The following ANO2 variants were observed in gnomAD, a reference collection of about 807,000 sequenced individuals.
ANO2 encodes the protein anoctamin 2, also known as anoctamin-2.
ANO2 carries 101 observed loss-of-function variants against 124.2 expected under a neutral mutation model. The observed-to-expected ratio is 0.81, with a 90% confidence interval of 0.69 to 0.96. The LOEUF (loss-of-function observed/expected upper bound fraction) is 0.96, where lower values mean the gene tolerates loss of function less well. Among genes scored for constraint, ANO2 ranks in the 40% least tolerant of loss-of-function variants. The probability of loss-of-function intolerance (pLI) is 0.00; values close to 1 mark genes in which losing one functional copy is unlikely to be tolerated. For synonymous variants in ANO2, 486 were observed against 482.5 expected (o/e 1.01, Z -0.09); for missense variants, 1,293 against 1,274.5 (o/e 1.01, Z -0.22).
rs779168841 is a variant in ANO2, at chr12:5,921,230, G to A, written c.344C>T (p.Ala115Val). The A allele has an allele frequency of 5.0e-6, 8 of 1,613,956 alleles. No homozygotes were observed. The highest frequency in any genetic ancestry group is 6.8e-6 in the Non-Finnish European group (8 of 1,179,860). The change falls in exon 3 of 25, where the codon GCC becomes GTC. Residue 115 changes from alanine to valine, a missense_variant. By Grantham distance (64) the Ala-to-Val change is moderately conservative (BLOSUM62 0). Coordinates refer to ENST00000682330, the MANE Select transcript of ANO2 (RefSeq NM_001364791.2). ...CAGCGAGTGGCCAGGGAAGCCTTGG[G>A]CCAGGTGCACCCCGCGTTTCCGGTA... is the stretch of plus-strand genomic sequence containing the variant. ...YHYRKRGVHL[A>V]QGFPGHSLAI...
chr12:5,603,915 G>C (rs1243729861), intron 19 of ANO2, among the ~76,000 whole-genome samples: 1 of 125,300 alleles, frequency 8.0e-6, no homozygotes, highest in African/African-American at 3.0e-5. Context: ...ACTGCAGTCC[G>C]TCCTGGGTGA....
At chr12:5,885,375 C>T (rs1353396500) in intron 3 of ANO2, among the ~76,000 whole-genome samples, 1 of 152,222 alleles carries the variant, frequency 6.6e-6, no homozygotes, top group African/African-American at 2.4e-5. Context: ...GAGGTTCATG[C>T]TTACTGTCCA....
chr12:5,628,685 T>C (rs55819042), intron 16 of ANO2, among the ~76,000 whole-genome samples: 45,616 of 148,298 alleles, frequency 0.31, 7,658 homozygotes, highest in East Asian at 0.48. Flanking sequence ...TGTGTGTGTG[T>C]GTGCGCGCGC....
At chr12:5,663,039 G>T (rs928788929) in intron 14 of ANO2, among the ~76,000 whole-genome samples, 1 of 152,202 alleles carries the variant, frequency 6.6e-6, no homozygotes, top group African/African-American at 2.4e-5. Flanking sequence ...AACCAGTTCT[G>T]AAATGAGTAA....
At chr12:5,627,333 C>A (rs2136926456) in intron 16 of ANO2, among the ~76,000 whole-genome samples, 1 of 152,290 alleles carries the variant, frequency 6.6e-6, no homozygotes, top group East Asian at 1.9e-4. Context: ...CCCCAGAGAG[C>A]CAGGATCCTG....
intron 10 of ANO2, among the ~76,000 whole-genome samples, chr12:5,789,329 T>C (rs1255765941): frequency 2.0e-5 from 3 of 152,244 alleles, no homozygotes; most frequent in African/African-American, 7.2e-5. Context: ...TTAGAGTTGA[T>C]GACAGCTGGA....
At chr12:5,823,549 G>C (rs1349669300) in intron 7 of ANO2, among the ~76,000 whole-genome samples, 1 of 152,196 alleles carries the variant, frequency 6.6e-6, no homozygotes, top group Non-Finnish European at 1.5e-5. Flanking sequence ...ATGGTCTTGG[G>C]CAGCTGCACC....
At chr12:5,638,153 TAAC>T (rs1001797062) in intron 15 of ANO2, among the ~76,000 whole-genome samples, 2 of 152,002 alleles carry the variant, frequency 1.3e-5, no homozygotes, top group African/African-American at 4.8e-5. Flanking sequence ...TTAATGGTGA[TAAC>T]ATCATCAATA....
chr12:5,678,502 C>A lies in ANO2; in HGVS notation c.1546-30701G>T, dbSNP rs1948351536. Among the ~76,000 whole-genome samples the A allele has an allele frequency of 5.3e-5, 8 of 152,248 alleles. No individual in the cohort carries two copies. The South Asian group carries it at 1.7e-3, about 32-fold the overall frequency. ...GGAAAGATGGACACATTTGGGGCCA[C>A]AGTTTTTATGTAAAAAGATATATAA... On this transcript the variant is annotated intron_variant, in intron 14 of 24. Coordinates refer to ENST00000682330, the MANE Select transcript of ANO2 (RefSeq NM_001364791.2).
intron 7 of ANO2, among the ~76,000 whole-genome samples, chr12:5,809,765 T>C (rs1194043589): frequency 6.6e-6 from 1 of 152,224 alleles, no homozygotes; most frequent in Non-Finnish European, 1.5e-5. Flanking sequence ...CTCATTGTTT[T>C]GTGTTCCCCA....
chr12:5,751,521 A>C (rs780248543), intron 10 of ANO2, among the ~76,000 whole-genome samples: 4 of 152,106 alleles, frequency 2.6e-5, no homozygotes, highest in Non-Finnish European at 2.9e-5. Context: ...GGTGGTTTTT[A>C]TTTCTTTATT....
chr12:5,938,839 C>A (rs11063939), intron 1 of ANO2, among the ~76,000 whole-genome samples: 14,549 of 151,574 alleles, frequency 0.096, 1,106 homozygotes, highest in African/African-American at 0.2. Context: ...AAGAAAAAAA[C>A]AAGATAAGCT....
At chr12:5,637,832 C>T (rs1946101477) in intron 15 of ANO2, among the ~76,000 whole-genome samples, 1 of 152,080 alleles carries the variant, frequency 6.6e-6, no homozygotes, top group South Asian at 2.1e-4. Flanking sequence ...CTGAACCTCT[C>T]GTTTGGTGTT....
chr12:5,827,164 G>T (rs1953980955), intron 7 of ANO2, among the ~76,000 whole-genome samples: 1 of 152,204 alleles, frequency 6.6e-6, no homozygotes, highest in Non-Finnish European at 1.5e-5. Flanking sequence ...GATCTGGACT[G>T]CCTGCCTTAT....
At chr12:5,594,842 C>CA (rs1035311071) in intron 20 of ANO2, among the ~76,000 whole-genome samples, 2 of 152,096 alleles carry the variant, frequency 1.3e-5, no homozygotes, top group Non-Finnish European at 2.9e-5. Flanking sequence ...TGTGTCAAAA[C>CA]AAAACAACAA....
rs757629676 is a variant in ANO2, at chr12:5,563,453, T to C, written c.2843A>G (p.Glu948Gly). ...CATCAGCTTGAGCTTCTCATGCTCC[T>C]CTTTCAGGAAGAAATCCACTAATAA... ...KSLLVDFFLK[E>G]EHEKLKLMDE... is the part of the protein sequence containing the mutation. The change falls in exon 25 of 25, where the codon GAG (glutamate) becomes GGG (glycine). Residue 948 changes from glutamate to glycine, a missense_variant. Glu to Gly is a moderately conservative substitution (Grantham distance 98). Transcript: ENST00000682330. 9 of 1,613,926 alleles carry C rather than the reference T, an allele frequency of 5.6e-6. No homozygotes were observed. The highest frequency in any genetic ancestry group is 3.3e-4 in the Middle Eastern group (2 of 6,062).
intron 20 of ANO2, among the ~76,000 whole-genome samples, chr12:5,591,184 A>C (rs1261307013): frequency 6.6e-6 from 1 of 152,208 alleles, no homozygotes; most frequent in Non-Finnish European, 1.5e-5. Context: ...GTCTCAAAAC[A>C]AAACAAAAAC....
chr12:5,907,966 G>A (rs1396689307), intron 3 of ANO2, among the ~76,000 whole-genome samples: 1 of 152,220 alleles, frequency 6.6e-6, no homozygotes, highest in Non-Finnish European at 1.5e-5. Flanking sequence ...TCACAGGCGT[G>A]GCCTGAGTTG....
chr12:5,767,244 T>A (rs139406575), intron 10 of ANO2, among the ~76,000 whole-genome samples: 1 of 152,116 alleles, frequency 6.6e-6, no homozygotes, highest in African/African-American at 2.4e-5. Flanking sequence ...CATGGGCAGG[T>A]GCAGGGATGC....
Sources: gnomAD v4.1 joint callset for allele counts (sites outside exome capture counted in the v4.1 genomes callset) on GRCh38, gnomAD v4.1.1 for gene constraint, MANE v1.5 for transcripts, NCBI Gene and HGNC (gene_info 2026-07-23, HGNC 2026-07-21) for gene names.